The following DLG2 variants were observed in gnomAD, a reference collection of about 807,000 sequenced individuals.
DLG2 encodes the protein disks large homolog 2.
In DLG2, 45 loss-of-function variants were observed where a neutral mutation model predicts 132.5. The ratio of observed to expected loss-of-function variants is 0.34; its 90% CI spans 0.27 to 0.44. DLG2 has a LOEUF of 0.44. Among genes scored for constraint, DLG2 ranks in the 20% least tolerant of loss-of-function variants. The pLI, the probability that DLG2 is intolerant of heterozygous loss-of-function variation, is 1.00. For synonymous variants in DLG2, 424 were observed against 419.6 expected (o/e 1.01, Z -0.13); for missense variants, 1,045 against 1,196.9 (o/e 0.87, Z 1.87).
intron 6 of DLG2, among the ~76,000 whole-genome samples, chr11:84,637,324 G>T (rs115811683): frequency 5.6e-4 from 86 of 152,264 alleles, no homozygotes; most frequent in African/African-American, 2.0e-3. Context: ...CCCACCACAC[G>T]ATGTGTATCT....
At chr11:84,662,394 C>T (rs989254237) in intron 6 of DLG2, among the ~76,000 whole-genome samples, 7 of 151,690 alleles carry the variant, frequency 4.6e-5, no homozygotes, top group African/African-American at 1.4e-4. Flanking sequence ...AGGCTGGTCT[C>T]GAACTCCCGA....
At chr11:84,773,329 C>T (rs964240353) in intron 6 of DLG2, among the ~76,000 whole-genome samples, 3 of 152,140 alleles carry the variant, frequency 2.0e-5, no homozygotes, top group Non-Finnish European at 2.9e-5. Context: ...GAATTCACAG[C>T]TGAATTCTAC....
Position 85,058,641 on chromosome 11 carries a change from T to C in DLG2, c.357+53020A>G, listed in dbSNP as rs1447896291. Reference sequence around the variant, plus strand: ...TACACTACCAGATATTAAAACCTTATGTACAGTAATTAAGATAGTGCTCAG... The same window carrying C: ...TACACTACCAGATATTAAAACCTTACGTACAGTAATTAAGATAGTGCTCAG... On this transcript the variant is annotated intron_variant, in intron 6 of 27. Coordinates refer to ENST00000376104, the MANE Select transcript of DLG2 (RefSeq NM_001142699.3). Among the ~76,000 whole-genome samples, 5 of 151,544 alleles carry C rather than the reference T, an allele frequency of 3.3e-5. No homozygotes were observed. The East Asian group carries it at 9.7e-4, about 29-fold the overall frequency.
At chr11:83,608,590 A>G (rs2059666642) in intron 19 of DLG2, among the ~76,000 whole-genome samples, 2 of 152,166 alleles carry the variant, frequency 1.3e-5, no homozygotes, top group Admixed American at 6.5e-5. Context: ...GAGTACTTAA[A>G]CTACAATTTC....
chr11:84,645,854 C>A (rs115669297), intron 6 of DLG2, among the ~76,000 whole-genome samples: 3,379 of 152,292 alleles, frequency 0.022, 145 homozygotes, highest in African/African-American at 0.077. Context: ...ATTGCACGCA[C>A]TCCAGTAGAA....
rs537323184 is a variant in DLG2, at chr11:83,840,396, T to C, written c.1566-6626A>G. Among the ~76,000 whole-genome samples the C allele has an allele frequency of 3.3e-5, 5 of 152,346 alleles. No homozygotes were observed. The South Asian group carries it at 1.0e-3, about 32-fold the overall frequency. ...CACAGTGATTAAGGTCTCCATTTCA[T>C]ATTATAATTAATTACACGAATGTCT... is the stretch of plus-strand genomic sequence containing the variant. On this transcript the variant is annotated intron_variant, in intron 16 of 27. Coordinates refer to ENST00000376104, the MANE Select transcript of DLG2 (RefSeq NM_001142699.3).
chr11:85,253,767 G>A (rs35167573), intron 4 of DLG2, among the ~76,000 whole-genome samples: 10,142 of 152,136 alleles, frequency 0.067, 620 homozygotes, highest in East Asian at 0.29. Context: ...GTAAATGTGG[G>A]AGATTTCATT....
chr11:85,538,540 C>T (rs977757023), intron 3 of DLG2, among the ~76,000 whole-genome samples: 9 of 151,840 alleles, frequency 5.9e-5, no homozygotes, highest in African/African-American at 2.2e-4. Context: ...TACATGCATC[C>T]ATATGTCCAT....
At chr11:83,968,693 G>T (rs2090729799) in intron 12 of DLG2, among the ~76,000 whole-genome samples, 1 of 152,134 alleles carries the variant, frequency 6.6e-6, no homozygotes, top group Non-Finnish European at 1.5e-5. Flanking sequence ...TCTCCAAGAG[G>T]TTAAGAAACT....
chr11:84,646,280 T>A (rs1261073885), intron 6 of DLG2, among the ~76,000 whole-genome samples: 1 of 152,098 alleles, frequency 6.6e-6, no homozygotes, highest in Non-Finnish European at 1.5e-5. Context: ...TATGGAGTAC[T>A]TGACACCACA....
chr11:85,567,537 T>G (rs2077596383), intron 3 of DLG2, among the ~76,000 whole-genome samples: 1 of 152,212 alleles, frequency 6.6e-6, no homozygotes, highest in Non-Finnish European at 1.5e-5. Flanking sequence ...CATTTTTTTG[T>G]AGATTCTTTA....
intron 6 of DLG2, among the ~76,000 whole-genome samples, chr11:84,674,542 C>G (rs1412866979): frequency 6.6e-6 from 1 of 152,056 alleles, no homozygotes; most frequent in East Asian, 1.9e-4. Context: ...ACTTATAGAA[C>G]TGAATATCTC....
At chr11:84,956,463 C>G (rs567519839) in intron 6 of DLG2, among the ~76,000 whole-genome samples, 1 of 152,270 alleles carries the variant, frequency 6.6e-6, no homozygotes, top group African/African-American at 2.4e-5. Flanking sequence ...GAGCCTAAGT[C>G]GGCTACATAT....
chr11:83,912,168 A>AT (rs141289443), intron 15 of DLG2, among the ~76,000 whole-genome samples: 122,373 of 151,518 alleles, frequency 0.81, 49,495 homozygotes, highest in East Asian at 0.91. Context: ...AATTATATAA[A>AT]ATTTTTGTCA....
intron 8 of DLG2, among the ~76,000 whole-genome samples, chr11:84,250,321 G>C (rs2097355245): frequency 6.6e-6 from 1 of 152,142 alleles, no homozygotes; most frequent in African/African-American, 2.4e-5. Flanking sequence ...GGTCATTGAA[G>C]GGATTTGAGG....
At chr11:84,771,909 T>G (rs1460230650) in intron 6 of DLG2, among the ~76,000 whole-genome samples, 7 of 152,056 alleles carry the variant, frequency 4.6e-5, no homozygotes, top group Non-Finnish European at 1.0e-4. Context: ...AGCAGTAGCA[T>G]TTCTAAACAC....
chr11:84,350,749 TA>T (rs1328849533), intron 7 of DLG2, among the ~76,000 whole-genome samples: 2 of 152,236 alleles, frequency 1.3e-5, no homozygotes, highest in Non-Finnish European at 2.9e-5. Context: ...ACTGCAGGTA[TA>T]ATCTATTATT....
At chr11:84,676,984 A>G (rs1443069109) in intron 6 of DLG2, among the ~76,000 whole-genome samples, 1 of 151,998 alleles carries the variant, frequency 6.6e-6, no homozygotes, top group Non-Finnish European at 1.5e-5. Flanking sequence ...GGAGATAACA[A>G]TGGAGAGGTG....
chr11:85,424,860 C>T (rs954942748), intron 3 of DLG2, among the ~76,000 whole-genome samples: 6 of 152,150 alleles, frequency 3.9e-5, no homozygotes, highest in Non-Finnish European at 7.4e-5. Context: ...CACTGGATCT[C>T]CCAGCACCTG....
Sources: allele counts gnomAD v4.1 joint callset (sites outside exome capture counted in the v4.1 genomes callset), GRCh38; gene constraint gnomAD v4.1.1; transcripts MANE v1.5; gene names NCBI Gene and HGNC (gene_info 2026-07-23, HGNC 2026-07-21).